FGD6: variants seen among roughly 807,000 people sequenced by gnomAD.
FGD6 encodes FYVE, RhoGEF and PH domain containing 6, also known as FYVE, RhoGEF and PH domain-containing protein 6.
In FGD6, 90 loss-of-function variants were observed where a neutral mutation model predicts 149.4. The ratio of observed to expected loss-of-function variants is 0.60; its 90% CI spans 0.51 to 0.72. The LOEUF is 0.72. FGD6 is among the 30% of genes least tolerant of loss of function. FGD6 has a pLI of 0.00. For missense variants in FGD6, 1,437 were observed against 1,684.8 expected (o/e 0.85, Z 2.57); for synonymous variants, 527 against 584.0 (o/e 0.90, Z 1.41).
At chr12:95,101,940 C>T (rs528988601) in intron 14 of FGD6, among the ~76,000 whole-genome samples, 72 of 152,014 alleles carry the variant, frequency 4.7e-4, no homozygotes, top group African/African-American at 1.7e-3. Flanking sequence ...CTCGGCCTCC[C>T]AAAGTGCTGG....
chr12:95,095,373 AT>A (rs35449472), intron 14 of FGD6, among the ~76,000 whole-genome samples: 6 of 149,934 alleles, frequency 4.0e-5, no homozygotes, highest in African/African-American at 1.5e-4. Flanking sequence ...AGACAAGGGT[AT>A]TTTTTTTTTC....
chr12:95,086,447 A>G (rs1877864237), intron 18 of FGD6, among the ~76,000 whole-genome samples: 1 of 152,046 alleles, frequency 6.6e-6, no homozygotes, highest in Non-Finnish European at 1.5e-5. Context: ...AAGAAAGAAA[A>G]GAGGCTAATT....
chr12:95,154,081 T>C (rs550069776), intron 3 of FGD6, among the ~76,000 whole-genome samples: 1 of 152,206 alleles, frequency 6.6e-6, no homozygotes, highest in Admixed American at 6.5e-5. Context: ...TGCCTCAGCC[T>C]CCCGAGTAGC....
At chr12:95,104,983 A>AAAAAGAAGAAGAAAAAATTT in intron 14 of FGD6, 24 bp downstream of exon 14, 1 of 1,566,846 alleles carries the variant, frequency 6.4e-7, no homozygotes, top group Non-Finnish European at 8.6e-7. Context: ...AAAAAAAAAA[A>AAAAAGAAGAAGAAAAAATTT]AAAAAGAAGA....
chr12:95,165,789 C>T (rs189806971), intron 3 of FGD6, among the ~76,000 whole-genome samples: 1 of 151,964 alleles, frequency 6.6e-6, no homozygotes, highest in African/African-American at 2.4e-5. Context: ...AGGCATGAAC[C>T]ACCATACCTG....
rs184465766 is a variant in FGD6, at chr12:95,105,762, G to A, written c.3418-676C>T. ...AAACAGGCAGGGCGCAGTGGCTCACGCCTGTAATCTCAGCACTTTGGGATG... is the reference window on the plus strand; with the variant it reads ...AAACAGGCAGGGCGCAGTGGCTCACACCTGTAATCTCAGCACTTTGGGATG... On this transcript the variant is annotated intron_variant, in intron 13 of 20. Coordinates refer to ENST00000343958, the MANE Select transcript of FGD6 (RefSeq NM_018351.4). Among the ~76,000 whole-genome samples the A allele has an allele frequency of 1.2e-3, 186 of 152,270 alleles. 1 individual carries two copies. Among genetic ancestry groups the A allele is most frequent in the African/African-American group, 2.5e-3 (104 of 41,562 alleles).
chr12:95,104,444 T>A (rs989458880), intron 14 of FGD6, among the ~76,000 whole-genome samples: 8 of 150,186 alleles, frequency 5.3e-5, no homozygotes, highest in African/African-American at 1.7e-4. Context: ...AAAAAAAAAA[T>A]TTTTTTTTTT....
rs761423852 is a variant in FGD6 at position 95,107,601 on chromosome 12, G to A, written c.3295C>T (p.Leu1099=). 1.2e-6 allele frequency: 2 copies of A among 1,614,038 alleles called. No homozygotes were observed. The highest frequency in any genetic ancestry group is 2.2e-5 in the South Asian group (2 of 91,080). The change falls in exon 12 of 21, where the codon CTG becomes TTG. Residue 1099 remains leucine (L), a synonymous_variant. Coordinates refer to ENST00000343958, the MANE Select transcript of FGD6 (RefSeq NM_018351.4). The stretch of plus-strand genomic sequence containing the variant: ...CGAGGTTGCATCACTTTCCGAGACA[G>A]CTTCATCAGAATTCCTTCTTTGAGA... ...VFLKEGILMK[L]SRKVMQPRMF...
intron 5 of FGD6, among the ~76,000 whole-genome samples, chr12:95,150,169 A>G (rs1194650019): frequency 6.6e-6 from 1 of 151,778 alleles, no homozygotes; most frequent in African/African-American, 2.4e-5. Flanking sequence ...CTGGGATTAC[A>G]GACATGTGCC....
chr12:95,083,026 TATATAC>T (rs1346921283), intron 20 of FGD6, among the ~76,000 whole-genome samples: 1 of 78,864 alleles, frequency 1.3e-5, no homozygotes, highest in African/African-American at 4.8e-5. Context: ...TATATATATA[TATATAC>T]ACACACATAC....
intron 5 of FGD6, among the ~76,000 whole-genome samples, chr12:95,147,344 A>G (rs1249805072): frequency 6.6e-6 from 1 of 152,196 alleles, no homozygotes; most frequent in African/African-American, 2.4e-5. Flanking sequence ...TACGGTATAT[A>G]ATCATCAGTG....
At chr12:95,145,830 C>T (rs145969434) in intron 5 of FGD6, among the ~76,000 whole-genome samples, 7 of 151,998 alleles carry the variant, frequency 4.6e-5, no homozygotes, top group Admixed American at 2.6e-4. Context: ...TATGCCACCA[C>T]GCCCAGCTAA....
intron 8 of FGD6, among the ~76,000 whole-genome samples, chr12:95,125,408 G>A (rs904010563): frequency 6.6e-6 from 1 of 152,140 alleles, no homozygotes; most frequent in African/African-American, 2.4e-5. Flanking sequence ...TGAGGTGGAA[G>A]GATCCCCTGA....
Position 95,108,405 on chromosome 12 carries a change from T to C in FGD6, c.3207A>G (p.Lys1069=). 1 of 1,614,084 alleles carries C rather than the reference T, an allele frequency of 6.2e-7. No individual in the cohort carries two copies. Among genetic ancestry groups the C allele is most frequent in the Non-Finnish European group, 8.5e-7 (1 of 1,180,004 alleles). ...TTAAGCTGTACTGAATTTGCATAAGTTTCTGAAAGTTGTCCTACAGAAAGA... is the reference window on the plus strand; with the variant it reads ...TTAAGCTGTACTGAATTTGCATAAGCTTCTGAAAGTTGTCCTACAGAAAGA... ...DTMKQGDNFQ[K]LMQIQYSLNG... is the part of the protein sequence containing the mutation. The change falls in exon 11 of 21, where the codon AAA becomes AAG. Residue 1069 remains lysine (K), a synonymous_variant. Transcript: ENST00000343958.
At chr12:95,143,402 T>C (rs1879914607) in intron 5 of FGD6, among the ~76,000 whole-genome samples, 2 of 152,094 alleles carry the variant, frequency 1.3e-5, no homozygotes, top group Non-Finnish European at 2.9e-5. Context: ...CCAGTCCTCT[T>C]ATGCTTAATC....
chr12:95,203,226 T>C (rs1375978882), intron 2 of FGD6, among the ~76,000 whole-genome samples: 2 of 152,238 alleles, frequency 1.3e-5, no homozygotes, highest in Non-Finnish European at 2.9e-5. Flanking sequence ...TACTGATTCA[T>C]TTAAAAGAAA....
intron 8 of FGD6, among the ~76,000 whole-genome samples, chr12:95,131,638 G>A (rs1474323554): frequency 1.3e-5 from 2 of 152,118 alleles, no homozygotes; most frequent in Non-Finnish European, 2.9e-5. Flanking sequence ...AGCAATGGAA[G>A]AAAAGGCATA....
At chr12:95,151,400 A>G (rs1366643050) in intron 5 of FGD6, among the ~76,000 whole-genome samples, 1 of 152,066 alleles carries the variant, frequency 6.6e-6, no homozygotes, top group African/African-American at 2.4e-5. Flanking sequence ...CCTCCTGAGT[A>G]GCTAGGACTA....
At chr12:95,114,634 G>C (rs1878952638) in intron 8 of FGD6, among the ~76,000 whole-genome samples, 1 of 152,054 alleles carries the variant, frequency 6.6e-6, no homozygotes, top group African/African-American at 2.4e-5. Flanking sequence ...ATGGTATATA[G>C]TAGTTCTTGT....
Sources: gnomAD v4.1 joint callset for allele counts (sites outside exome capture counted in the v4.1 genomes callset) on GRCh38, gnomAD v4.1.1 for gene constraint, MANE v1.5 for transcripts, NCBI Gene and HGNC (gene_info 2026-07-23, HGNC 2026-07-21) for gene names.